CNTN5: variants seen among roughly 807,000 people sequenced by gnomAD.
The protein encoded by CNTN5 is contactin 5, also known as contactin-5.
CNTN5 carries 77 observed loss-of-function variants against 129.1 expected under a neutral mutation model. The ratio of observed to expected loss-of-function variants is 0.60; its 90% CI spans 0.50 to 0.72. The LOEUF (loss-of-function observed/expected upper bound fraction) is 0.72. CNTN5 is among the 30% of genes least tolerant of loss of function. The pLI, the probability that CNTN5 is intolerant of heterozygous loss-of-function variation, is 0.00. For missense variants in CNTN5, 1,478 were observed against 1,328.8 expected (o/e 1.11, Z -1.75); for synonymous variants, 509 against 465.6 (o/e 1.09, Z -1.20).
intron 3 of CNTN5, among the ~76,000 whole-genome samples, chr11:99,612,255 G>A (rs1950613448): frequency 6.6e-6 from 1 of 152,188 alleles, no homozygotes; most frequent in African/African-American, 2.4e-5. Context: ...CAAGACTGAT[G>A]TAATTTCTAC....
At chr11:100,333,407 A>AG (rs1491159995) in intron 21 of CNTN5, among the ~76,000 whole-genome samples, 2 of 83,286 alleles carry the variant, frequency 2.4e-5, no homozygotes, top group Non-Finnish European at 4.3e-5. Flanking sequence ...TCACTGAATT[A>AG]GAAAAAAAAA....
At chr11:99,760,781 A>T (rs1352108742) in intron 3 of CNTN5, among the ~76,000 whole-genome samples, 3 of 152,056 alleles carry the variant, frequency 2.0e-5, no homozygotes, top group Non-Finnish European at 2.9e-5. Flanking sequence ...GGTTCATATA[A>T]AAATCCAAAT....
At chr11:99,365,520 G>A (rs1162130821) in intron 2 of CNTN5, among the ~76,000 whole-genome samples, 1 of 152,164 alleles carries the variant, frequency 6.6e-6, no homozygotes, top group Non-Finnish European at 1.5e-5. Context: ...CAGTATTAAA[G>A]CTGGGAATAT....
At chr11:100,080,147 G>GA (rs1259491578) in intron 13 of CNTN5, among the ~76,000 whole-genome samples, 1 of 152,020 alleles carries the variant, frequency 6.6e-6, no homozygotes, top group Non-Finnish European at 1.5e-5. Context: ...CACAATTATT[G>GA]AAATTTCAAC....
chr11:99,664,268 A>G (rs1952704544), intron 3 of CNTN5, among the ~76,000 whole-genome samples: 1 of 152,148 alleles, frequency 6.6e-6, no homozygotes, highest in African/African-American at 2.4e-5. Context: ...TTGTTTACAT[A>G]TGATTGTGCT....
intron 1 of CNTN5, among the ~76,000 whole-genome samples, chr11:99,061,809 T>A (rs776103255): frequency 6.6e-6 from 1 of 151,818 alleles, no homozygotes; most frequent in Admixed American, 6.6e-5. Flanking sequence ...CTGGGCAACA[T>A]AGTGAGACCC....
chr11:99,943,707 T>C (rs955166993), intron 7 of CNTN5, among the ~76,000 whole-genome samples: 2 of 152,176 alleles, frequency 1.3e-5, no homozygotes, highest in African/African-American at 2.4e-5. Flanking sequence ...AGTTAATTTA[T>C]GTACAAGGTG....
At chr11:99,389,196 A>G (rs1941104017) in intron 2 of CNTN5, among the ~76,000 whole-genome samples, 1 of 151,554 alleles carries the variant, frequency 6.6e-6, no homozygotes, top group South Asian at 2.1e-4. Flanking sequence ...TGCCTAGCTA[A>G]TTTTGTATTT....
chr11:100,018,814 C>T (rs1940969036), intron 9 of CNTN5, among the ~76,000 whole-genome samples: 1 of 151,972 alleles, frequency 6.6e-6, no homozygotes, highest in South Asian at 2.1e-4. Context: ...AGTCCAAGTA[C>T]CTCCACGTCT....
chr11:99,146,511 GA>G (rs1351135274), intron 1 of CNTN5, among the ~76,000 whole-genome samples: 1 of 152,014 alleles, frequency 6.6e-6, no homozygotes, highest in Non-Finnish European at 1.5e-5. Flanking sequence ...CTAAGGAGGA[GA>G]AAATAAAGGC....
At chr11:99,645,397 T>G (rs973896742) in intron 3 of CNTN5, among the ~76,000 whole-genome samples, 2 of 151,932 alleles carry the variant, frequency 1.3e-5, no homozygotes, top group Non-Finnish European at 2.9e-5. Flanking sequence ...GTAATGGGAT[T>G]GCTGGGTCAG....
chr11:99,979,831 A>G (rs537099060), intron 8 of CNTN5, among the ~76,000 whole-genome samples: 1 of 152,310 alleles, frequency 6.6e-6, no homozygotes, highest in South Asian at 2.1e-4. Context: ...TTCATTATTC[A>G]TCATTGTGGA....
intron 8 of CNTN5, among the ~76,000 whole-genome samples, chr11:99,974,078 G>T (rs555262303): frequency 6.6e-6 from 1 of 152,314 alleles, no homozygotes; most frequent in South Asian, 2.1e-4. Flanking sequence ...ATAGCAAGCT[G>T]CCTAAGTGGA....
At position 100,071,724 on chromosome 11, in the gene CNTN5, A is replaced by G. The variant is rs201581821; in HGVS notation, c.1319A>G (p.Asn440Ser). ...LSPQSRVEMV[N>S]GVLMIHNVNQ... Reference sequence around the variant, plus strand: ...TTACAGAGTAGGGTTGAGATGGTTAATGGAGTATTGATGATCCACAATGTG... The same window carrying G: ...TTACAGAGTAGGGTTGAGATGGTTAGTGGAGTATTGATGATCCACAATGTG... Residue 440 changes from asparagine (N) to serine (S), a missense_variant, in exon 12 of 25, where the codon AAT becomes AGT. Transcript: ENST00000524871. The G allele has an allele frequency of 1.1e-5, 17 of 1,590,716 alleles. No homozygotes were observed. The African/African-American group carries it at 2.3e-4, about 21-fold the overall frequency.
rs939475652 is a variant in CNTN5, at chr11:100,074,265, A to C, written c.1551A>C (p.Lys517Asn). 5.0e-6 allele frequency: 8 copies of C among 1,608,708 alleles called. No individual in the cohort carries two copies. The highest frequency in any genetic ancestry group is 5.9e-6 in the Non-Finnish European group (7 of 1,177,064). ...GSPKPTISWKKGDRAVRENKR... is the reference protein window; with the variant it reads ...GSPKPTISWKNGDRAVRENKR... ...CAAAACCAACCATCTCTTGGAAGAAAGGAGACAGAGCAGTTAGAGAAAACA... is the reference window on the plus strand; with the variant it reads ...CAAAACCAACCATCTCTTGGAAGAACGGAGACAGAGCAGTTAGAGAAAACA... Residue 517 changes from lysine to asparagine, a missense_variant, in exon 13 of 25, where the codon AAA (lysine) becomes AAC (asparagine). Physicochemically the swap from Lys to Asn is moderately conservative, Grantham distance 94. Transcript: ENST00000524871.
chr11:99,596,806 C>G (rs996732483), intron 3 of CNTN5, among the ~76,000 whole-genome samples: 1 of 152,118 alleles, frequency 6.6e-6, no homozygotes, highest in Non-Finnish European at 1.5e-5. Context: ...AGATGTCCAT[C>G]AGGCCAAAGG....
intron 13 of CNTN5, among the ~76,000 whole-genome samples, chr11:100,096,340 G>A (rs765933760): frequency 7.2e-5 from 11 of 152,116 alleles, no homozygotes; most frequent in Admixed American, 2.6e-4. Flanking sequence ...AAGAGATCGC[G>A]CTTTCAATAT....
intron 1 of CNTN5, among the ~76,000 whole-genome samples, chr11:99,201,681 G>A (rs1251544270): frequency 2.0e-5 from 3 of 152,094 alleles, no homozygotes; most frequent in Non-Finnish European, 4.4e-5. Flanking sequence ...GATGGCAAAA[G>A]TTTAGTCAGT....
At chr11:100,167,190 AAAC>A (rs1947667165) in intron 13 of CNTN5, among the ~76,000 whole-genome samples, 1 of 146,066 alleles carries the variant, frequency 6.8e-6, no homozygotes, top group Non-Finnish European at 1.6e-5. Context: ...CATCAAAAAC[AAAC>A]AAAAAAAAAT....
Sources: gnomAD v4.1 joint callset for allele counts (sites outside exome capture counted in the v4.1 genomes callset) on GRCh38, gnomAD v4.1.1 for gene constraint, MANE v1.5 for transcripts, NCBI Gene and HGNC (gene_info 2026-07-23, HGNC 2026-07-21) for gene names.